Variants in CAMK4 observed in about 807,000 individuals in gnomAD.
The protein encoded by CAMK4 is calcium/calmodulin-dependent protein kinase type IV.
In CAMK4, 22 loss-of-function variants were observed where a neutral mutation model predicts 44.9. The observed-to-expected ratio is 0.49, with a 90% CI of 0.35 to 0.70. The LOEUF (loss-of-function observed/expected upper bound fraction) is 0.70. Ranked by LOEUF, CAMK4 falls within the 30% of genes least tolerant of loss-of-function variation. The pLI is 0.01. For missense variants in CAMK4, 498 were observed against 586.8 expected, an observed-to-expected ratio of 0.85 and a Z score of 1.56; for synonymous variants, 218 against 215.4, an observed-to-expected ratio of 1.01 and a Z score of -0.11.
chr5:111,269,601 T>A (rs1750412636), intron 1 of CAMK4, among the ~76,000 whole-genome samples: 1 of 152,156 alleles, frequency 6.6e-6, no homozygotes, highest in South Asian at 2.1e-4. Flanking sequence ...CACTTACGGC[T>A]GACATCCCTG....
At chr5:111,292,429 ATG>A (rs1160086864) in intron 1 of CAMK4, among the ~76,000 whole-genome samples, 1 of 152,092 alleles carries the variant, frequency 6.6e-6, no homozygotes, top group Non-Finnish European at 1.5e-5. Flanking sequence ...GTGCATATAT[ATG>A]TGTATATATA....
intron 3 of CAMK4, among the ~76,000 whole-genome samples, chr5:111,375,562 T>C (rs1751183681): frequency 6.6e-6 from 1 of 152,174 alleles, no homozygotes; most frequent in South Asian, 2.1e-4. Flanking sequence ...GAAGTTGTGA[T>C]GTCCAGGGAG....
At chr5:111,236,659 C>T (rs1456464143) in intron 1 of CAMK4, among the ~76,000 whole-genome samples, 1 of 152,210 alleles carries the variant, frequency 6.6e-6, no homozygotes, top group African/African-American at 2.4e-5. Context: ...TCCTATGAAT[C>T]CCTCCAGGAC....
rs1274221854 is a variant in CAMK4 at position 111,492,764 on chromosome 5, C to G, written c.*8298C>G. On this transcript the variant is annotated 3_prime_UTR_variant, in exon 11 of 11. Transcript: ENST00000282356. ...GGAGGAGTCAAAGATGAATTAAATC[C>G]AATGCTATCCTCCAGGAGTGAGCTT... 1 of 152,118 alleles carries G rather than the reference C, an allele frequency of 6.6e-6. No individual in the cohort carries two copies. Among genetic ancestry groups the G allele is most frequent in the Non-Finnish European group, 1.5e-5 (1 of 68,042 alleles). 9.4% of individuals were successfully genotyped at this position (152,118 alleles called of 1,614,324 possible). A position where few individuals can be genotyped will look rare whatever the true frequency, so the allele number is the denominator to read the frequency against.
intron 1 of CAMK4, among the ~76,000 whole-genome samples, chr5:111,245,373 A>G (rs1316221513): frequency 6.6e-6 from 1 of 152,226 alleles, no homozygotes; most frequent in Non-Finnish European, 1.5e-5. Flanking sequence ...TGTTGATAAT[A>G]ATAGCAGAAA....
At chr5:111,443,870 A>G (rs1488350267) in intron 5 of CAMK4, among the ~76,000 whole-genome samples, 1 of 152,188 alleles carries the variant, frequency 6.6e-6, no homozygotes, top group Non-Finnish European at 1.5e-5. Flanking sequence ...CAATTCTTAG[A>G]TATGTTCCAA....
chr5:111,233,733 T>G (rs1257613831), intron 1 of CAMK4, among the ~76,000 whole-genome samples: 1 of 152,206 alleles, frequency 6.6e-6, no homozygotes, highest in Non-Finnish European at 1.5e-5. Context: ...TGAATAATCC[T>G]TCTATATGCT....
At chr5:111,376,195 A>T (rs965280556) in intron 3 of CAMK4, among the ~76,000 whole-genome samples, 4 of 151,986 alleles carry the variant, frequency 2.6e-5, no homozygotes, top group African/African-American at 9.7e-5. Flanking sequence ...CTCTACAAAG[A>T]TAAGTCAATG....
intron 1 of CAMK4, among the ~76,000 whole-genome samples, chr5:111,300,360 A>T (rs779458982): frequency 1.3e-5 from 2 of 152,192 alleles, no homozygotes; most frequent in Non-Finnish European, 2.9e-5. Context: ...GTGGGGGAGT[A>T]GGACTTGCCT....
intron 1 of CAMK4, among the ~76,000 whole-genome samples, chr5:111,301,452 A>C (rs1747715383): frequency 6.6e-6 from 1 of 152,166 alleles, no homozygotes. Flanking sequence ...TGATTAAAGG[A>C]ACTAAGTCCT....
intron 8 of CAMK4, among the ~76,000 whole-genome samples, chr5:111,474,252 C>T (rs1755161306): frequency 6.6e-6 from 1 of 152,146 alleles, no homozygotes; most frequent in South Asian, 2.1e-4. Context: ...TCTACCTGGG[C>T]TTACATAACA....
In CAMK4 at chr5:111,445,759, A is replaced by G. The variant is rs534371594; in HGVS notation, c.460-927A>G. On this transcript the variant is annotated intron_variant, in intron 5 of 10. Transcript: ENST00000282356. The stretch of plus-strand genomic sequence containing the variant: ...CTGAATATTTGATATATGTAAAGAA[A>G]TCTGTTCATATAAACAAGTGACTCA... Among the ~76,000 whole-genome samples the G allele has an allele frequency of 2.0e-5, 3 of 152,336 alleles. No homozygotes were observed. The East Asian group carries it at 5.8e-4, about 29-fold the overall frequency.
intron 1 of CAMK4, among the ~76,000 whole-genome samples, chr5:111,285,460 G>A (rs1427841693): frequency 6.6e-6 from 1 of 152,142 alleles, no homozygotes; most frequent in Non-Finnish European, 1.5e-5. Context: ...ATACCTATTA[G>A]CTTTTCTAAA....
intron 7 of CAMK4, among the ~76,000 whole-genome samples, chr5:111,465,180 T>C (rs1754781258): frequency 6.6e-6 from 1 of 152,058 alleles, no homozygotes; most frequent in South Asian, 2.1e-4. Context: ...TGCCTAAGGA[T>C]CACTCCGGGT....
At chr5:111,228,312 A>G (rs186498534) in intron 1 of CAMK4, among the ~76,000 whole-genome samples, 217 of 152,264 alleles carry the variant, frequency 1.4e-3, no homozygotes, top group Non-Finnish European at 2.0e-3. Flanking sequence ...TCTTTAGGCT[A>G]GGCACTTTGC....
chr5:111,392,936 G>A (rs1379564176), intron 4 of CAMK4, among the ~76,000 whole-genome samples: 2 of 152,072 alleles, frequency 1.3e-5, no homozygotes, highest in Non-Finnish European at 2.9e-5. Context: ...AAGAGCTAGA[G>A]CAGATTGAAA....
At chr5:111,274,351 C>T (rs1750667204) in intron 1 of CAMK4, among the ~76,000 whole-genome samples, 1 of 152,142 alleles carries the variant, frequency 6.6e-6, no homozygotes, top group Non-Finnish European at 1.5e-5. Flanking sequence ...CTGTCTTCCT[C>T]CCCTAGAATG....
intron 1 of CAMK4, among the ~76,000 whole-genome samples, chr5:111,288,073 T>C (rs867845318): frequency 1.1e-4 from 17 of 152,232 alleles, no homozygotes; most frequent in Non-Finnish European, 1.8e-4. Context: ...TTATGTAGTG[T>C]ATAATATTTT....
At chr5:111,471,548 T>C (rs1170558106) in intron 7 of CAMK4, among the ~76,000 whole-genome samples, 1 of 152,252 alleles carries the variant, frequency 6.6e-6, no homozygotes, top group Non-Finnish European at 1.5e-5. Context: ...GCTTCAATTT[T>C]AGCAGAATTC....
Sources: allele counts gnomAD v4.1 joint callset (sites outside exome capture counted in the v4.1 genomes callset), GRCh38; gene constraint gnomAD v4.1.1; transcripts MANE v1.5; gene names NCBI Gene and HGNC (gene_info 2026-07-23, HGNC 2026-07-21).